The following INCA1 variants were observed in gnomAD, a reference collection of about 807,000 sequenced individuals.
INCA1 encodes inhibitor of CDK, cyclin A1 interacting protein 1.
A neutral mutation model predicts 25.7 loss-of-function variants in INCA1; 28 were observed. The observed-to-expected ratio is 1.09, with a 90% confidence interval of 0.81 to 1.49. The LOEUF is 1.49. Ranked by LOEUF, INCA1 falls within the 40% of genes most tolerant of loss-of-function variation. The pLI is 0.00. For synonymous variants in INCA1, 111 were observed against 103.6 expected (o/e 1.07, Z -0.43); for missense variants, 309 against 290.9 (o/e 1.06, Z -0.45).
chr17:4,989,496 G>T, exon 5 of INCA1: 1 of 1,614,178 alleles, frequency 6.2e-7, no homozygotes, highest in Non-Finnish European at 8.5e-7. Flanking sequence ...CCCGGGCGGG[G>T]ACTCCCCCAA....
chr17:4,994,931 C>T (rs980712221), intron 1 of INCA1, among the ~76,000 whole-genome samples: 4 of 151,866 alleles, frequency 2.6e-5, no homozygotes, highest in Non-Finnish European at 1.5e-5. Flanking sequence ...AGCGGCTGGG[C>T]GCAGTGGCTT....
intron 1 of INCA1, among the ~76,000 whole-genome samples, chr17:4,995,271 A>C (rs1198987833): frequency 6.6e-6 from 1 of 152,204 alleles, no homozygotes; most frequent in Admixed American, 6.5e-5. Flanking sequence ...GATAGTGAGC[A>C]CAGGAAAAGT....
exon 1 of INCA1, chr17:4,997,013 G>A (rs1298970121): frequency 1.3e-5 from 2 of 152,954 alleles, no homozygotes; most frequent in African/African-American, 4.8e-5. Context: ...CTAGATCCAA[G>A]GGCAGGATGG....
intron 1 of INCA1, among the ~76,000 whole-genome samples, chr17:4,995,516 C>T (rs778827408): frequency 3.6e-4 from 54 of 151,890 alleles, no homozygotes; most frequent in Non-Finnish European, 7.1e-4. Context: ...TTGTGTGGGC[C>T]GGGTGCAGTG....
chr17:4,988,486 CAG>C lies in INCA1; in HGVS notation c.628_629del (p.Leu210GlyfsTer25), dbSNP rs1973528572. On this transcript the variant is annotated frameshift_variant, in exon 7 of 7. Coordinates refer to ENST00000576820, the Ensembl canonical transcript of INCA1. LOFTEE classifies it low-confidence loss of function (END_TRUNC). The stretch of plus-strand genomic sequence containing the variant: ...TGGCTGTGACAGTGCTGAACGAGGC[CAG>C]AGAGTGCAGCTGCCTGGAGGCACAA... 1.2e-6 allele frequency: 2 copies of C among 1,614,000 alleles called. No homozygotes were observed. The highest frequency in any genetic ancestry group is 1.1e-5 in the South Asian group (1 of 91,084).
At chr17:4,988,158 C>G, downstream of INCA1, 1 of 416,770 alleles carries the variant, frequency 2.4e-6, no homozygotes. Flanking sequence ...AATAACAGAG[C>G]AGAGAGAATA....
In INCA1 at chr17:4,991,470, T is replaced by C. The variant is rs546858458; in HGVS notation, c.45-1205A>G. ...TGTCTCCCCATCTCAAAAGGACTAA[T>C]ATCCTTGTAAATAGGAGTGTGCAGA... On this transcript the variant is annotated intron_variant, in intron 2 of 6. Transcript: ENST00000576820. Among the ~76,000 whole-genome samples the C allele has an allele frequency of 4.3e-4, 65 of 152,348 alleles. No individual in the cohort carries two copies. In the South Asian group the frequency reaches 8.1e-3, roughly 19 times the overall value.
chr17:4,991,016 T>C (rs538548467), intron 2 of INCA1, among the ~76,000 whole-genome samples: 34 of 151,136 alleles, frequency 2.2e-4, no homozygotes, highest in African/African-American at 8.0e-4. Context: ...CCTCCCGGGT[T>C]CAAGTGATTC....
chr17:4,989,805 A>T, intron 4 of INCA1, 85 bp downstream of exon 4: 1 of 1,595,522 alleles, frequency 6.3e-7, no homozygotes, highest in Non-Finnish European at 8.6e-7. Flanking sequence ...AACAGAGGGA[A>T]GCGGTAATAA....
intron 2 of INCA1, 39 bp downstream of exon 2, chr17:4,994,355 A>G (rs770386753): frequency 1.2e-6 from 2 of 1,601,546 alleles, no homozygotes; most frequent in African/African-American, 2.7e-5. Flanking sequence ...TATCCCCTCC[A>G]TCCCATCCCC....
At chr17:4,990,425 G>C (rs1274868645) in intron 2 of INCA1, among the ~76,000 whole-genome samples, 160 bp from the exon 3 acceptor site, 1 of 152,172 alleles carries the variant, frequency 6.6e-6, no homozygotes, top group Non-Finnish European at 1.5e-5. Flanking sequence ...AGGTGGTAAG[G>C]CCTCTGCTTT....
exon 3 of INCA1, chr17:4,990,153 T>A: frequency 6.2e-7 from 1 of 1,614,178 alleles, no homozygotes; most frequent in Non-Finnish European, 8.5e-7. Flanking sequence ...TCTACTCACG[T>A]GGGCCTTTGA....
exon 4 of INCA1, chr17:4,989,892 G>A: frequency 6.2e-7 from 1 of 1,614,226 alleles, no homozygotes; most frequent in Non-Finnish European, 8.5e-7. Context: ...TGTCTTACCA[G>A]CATGGGTGGA....
chr17:4,991,957 T>A (rs900919896), intron 2 of INCA1, among the ~76,000 whole-genome samples: 3 of 152,168 alleles, frequency 2.0e-5, no homozygotes, highest in African/African-American at 7.2e-5. Context: ...CAATGGTCTC[T>A]TCCCCCCGTC....
In INCA1 at chr17:4,990,233, G is replaced by C. The variant is rs1338996185; in HGVS notation, c.77C>G (p.Pro26Arg). Residue 26 changes from proline (P) to arginine (R), a missense_variant, in exon 3 of 7, where the codon CCA (proline) becomes CGA (arginine). Physicochemically the swap from Pro to Arg is moderately radical, Grantham distance 103. Transcript: ENST00000576820. The stretch of plus-strand genomic sequence containing the variant: ...TCTGAGGCTCTGGGAAGGCAACCTT[G>C]GGGGTGGAGATCGGCTGACCACCCT... 1 of 1,614,070 alleles carries C rather than the reference G, an allele frequency of 6.2e-7. No individual in the cohort carries two copies. Among genetic ancestry groups the C allele is most frequent in the Non-Finnish European group, 8.5e-7 (1 of 1,179,956 alleles).
At chr17:4,989,845 G>A (rs1432054233) in intron 4 of INCA1, 45 bp downstream of exon 4, 2 of 1,613,968 alleles carry the variant, frequency 1.2e-6, no homozygotes, top group East Asian at 2.2e-5. Flanking sequence ...AGCAGTGGGT[G>A]CAATTTTAAC....
intron 1 of INCA1, among the ~76,000 whole-genome samples, chr17:4,995,644 A>T (rs75390414): frequency 6.6e-6 from 1 of 151,880 alleles, no homozygotes; most frequent in African/African-American, 2.4e-5. Flanking sequence ...AAAAAAAAAA[A>T]GTTGGCTGGG....
intron 2 of INCA1, among the ~76,000 whole-genome samples, chr17:4,993,974 G>T (rs1974057471): frequency 6.7e-6 from 1 of 150,148 alleles, no homozygotes; most frequent in Non-Finnish European, 1.5e-5. Flanking sequence ...GTTTTGTCAT[G>T]TTGGCCAGGC....
exon 7 of INCA1, chr17:4,988,409 T>A (rs1889807854): frequency 6.3e-6 from 10 of 1,596,444 alleles, no homozygotes; most frequent in African/African-American, 1.4e-5. Flanking sequence ...TTCTCCTTAC[T>A]CTTCAGACGC....
Sources: gnomAD v4.1 joint callset for allele counts (sites outside exome capture counted in the v4.1 genomes callset) on GRCh38, gnomAD v4.1.1 for gene constraint, MANE v1.5 for transcripts, NCBI Gene and HGNC (gene_info 2026-07-23, HGNC 2026-07-21) for gene names.